MGMT: variants seen among roughly 807,000 people sequenced by gnomAD.
MGMT encodes methylated-DNA--protein-cysteine methyltransferase.
Under a neutral mutation model 15.9 loss-of-function variants are expected in MGMT, and 14 were observed. That is an observed-to-expected ratio of 0.88 (90% CI 0.58 to 1.37). The LOEUF (loss-of-function observed/expected upper bound fraction) is 1.37. Ranked by LOEUF, MGMT falls within the 40% of genes most tolerant of loss-of-function variation. MGMT has a pLI of 0.00. For synonymous variants in MGMT, 130 were observed against 118.2 expected (o/e 1.10, Z -0.65); for missense variants, 282 against 268.1 (o/e 1.05, Z -0.36).
At chr10:129,473,234 G>A (rs770466377) in intron 1 of MGMT, among the ~76,000 whole-genome samples, 4 of 152,224 alleles carry the variant, frequency 2.6e-5, no homozygotes, top group Admixed American at 6.5e-5. Flanking sequence ...GAGGGGTAAC[G>A]CAGGTCCGCT....
intron 2 of MGMT, among the ~76,000 whole-genome samples, chr10:129,576,790 T>C (rs1004370412): frequency 1.6e-4 from 25 of 152,288 alleles, no homozygotes; most frequent in African/African-American, 5.5e-4. Context: ...GAAAACCCCA[T>C]CGTCTCATCC....
At chr10:129,522,710 G>A (rs532840721) in intron 1 of MGMT, among the ~76,000 whole-genome samples, 9 of 152,312 alleles carry the variant, frequency 5.9e-5, no homozygotes, top group African/African-American at 1.9e-4. Context: ...GCTAGTACAA[G>A]GTCCTTCCTT....
chr10:129,498,817 C>G (rs766636867), intron 1 of MGMT, among the ~76,000 whole-genome samples: 1 of 152,186 alleles, frequency 6.6e-6, no homozygotes, highest in African/African-American at 2.4e-5. Flanking sequence ...CAGCCAAGAT[C>G]TGGGTGCTGA....
chr10:129,632,108 G>T (rs1847216805), intron 2 of MGMT, among the ~76,000 whole-genome samples: 1 of 152,208 alleles, frequency 6.6e-6, no homozygotes, highest in Non-Finnish European at 1.5e-5. Flanking sequence ...TGCATGTGTT[G>T]TAGTGGGATA....
At chr10:129,759,600 G>A (rs995503249) in intron 4 of MGMT, among the ~76,000 whole-genome samples, 1 of 152,170 alleles carries the variant, frequency 6.6e-6, no homozygotes, top group Non-Finnish European at 1.5e-5. Flanking sequence ...CAGTGAGCAG[G>A]AGAGGAGGGA....
At chr10:129,725,528 A>G (rs751647100) in intron 3 of MGMT, among the ~76,000 whole-genome samples, 2 of 152,206 alleles carry the variant, frequency 1.3e-5, no homozygotes, top group African/African-American at 2.4e-5. Context: ...CTGAAACATC[A>G]TTGTGTCAAC....
intron 2 of MGMT, among the ~76,000 whole-genome samples, chr10:129,602,963 G>A (rs1589888811): frequency 6.6e-6 from 1 of 152,154 alleles, no homozygotes; most frequent in Admixed American, 6.5e-5. Flanking sequence ...AAACAAAGAG[G>A]TCATTCTTAG....
chr10:129,639,906 A>G (rs894904871), intron 2 of MGMT, among the ~76,000 whole-genome samples: 12 of 151,312 alleles, frequency 7.9e-5, no homozygotes, highest in African/African-American at 2.9e-4. Flanking sequence ...GGTTCTTTGG[A>G]AAAATATTAA....
intron 2 of MGMT, among the ~76,000 whole-genome samples, chr10:129,544,053 TAAC>T (rs10566762): frequency 0.67 from 101,857 of 151,754 alleles, 34,674 homozygotes; most frequent in East Asian, 0.95. Flanking sequence ...CCCCTGCTCT[TAAC>T]AATAAGTTTC....
At chr10:129,638,446 GAA>G (rs1157292152) in intron 2 of MGMT, among the ~76,000 whole-genome samples, 6 of 96,304 alleles carry the variant, frequency 6.2e-5, no homozygotes, top group African/African-American at 2.3e-4. Flanking sequence ...AAAAAAAAAA[GAA>G]AAAAAAAAGA....
At chr10:129,578,376 A>T (rs374790427) in intron 2 of MGMT, among the ~76,000 whole-genome samples, 1 of 152,148 alleles carries the variant, frequency 6.6e-6, no homozygotes, top group African/African-American at 2.4e-5. Context: ...AGTTCATGTC[A>T]TTTGTAGGGA....
intron 2 of MGMT, among the ~76,000 whole-genome samples, chr10:129,677,176 T>G (rs1403405140): frequency 6.6e-6 from 1 of 151,872 alleles, no homozygotes; most frequent in Non-Finnish European, 1.5e-5. Context: ...ATGTGTTTTT[T>G]TTTTAAAGAC....
intron 3 of MGMT, among the ~76,000 whole-genome samples, chr10:129,757,113 A>G (rs1354915135): frequency 6.6e-6 from 1 of 152,204 alleles, no homozygotes; most frequent in Non-Finnish European, 1.5e-5. Flanking sequence ...TAAATACTAC[A>G]TTGTTTGAGC....
chr10:129,720,651 A>G (rs982355128), intron 3 of MGMT, among the ~76,000 whole-genome samples: 1 of 152,254 alleles, frequency 6.6e-6, no homozygotes, highest in South Asian at 2.1e-4. Context: ...GGTGCACTGC[A>G]GGTTGGCATT....
chr10:129,469,430 T>C (rs2119608182), intron 1 of MGMT, among the ~76,000 whole-genome samples: 1 of 152,360 alleles, frequency 6.6e-6, no homozygotes, highest in South Asian at 2.1e-4. Flanking sequence ...TTCTGCATTA[T>C]CTTTTCCTTT....
chr10:129,747,912 C>T (rs116182138), intron 3 of MGMT, among the ~76,000 whole-genome samples: 1,959 of 152,280 alleles, frequency 0.013, 40 homozygotes, highest in African/African-American at 0.044. Flanking sequence ...ACTGGAGTTA[C>T]AGTGTGTGAG....
rs139242296 is a variant in MGMT, at chr10:129,568,303, G to T, written c.125+31926G>T. ...TGGTGCTGTCCTGACAGGGGAGCAG[G>T]TTTACAGCTCAGGACACTGGGGTGC... is the stretch of plus-strand genomic sequence containing the variant. On this transcript the variant is annotated intron_variant, in intron 2 of 4. Transcript: ENST00000651593. 8.5e-5 allele frequency among the ~76,000 whole-genome samples: 13 copies of T among 152,320 alleles called. No individual in the cohort carries two copies. The East Asian group carries it at 2.5e-3, about 29-fold the overall frequency.
chr10:129,757,001 C>T (rs980744512), intron 3 of MGMT, among the ~76,000 whole-genome samples: 1 of 152,232 alleles, frequency 6.6e-6, no homozygotes, highest in Non-Finnish European at 1.5e-5. Context: ...GGGTTCGAAG[C>T]ACTGTGCTCT....
At chr10:129,629,806 C>A (rs1847190380) in intron 2 of MGMT, among the ~76,000 whole-genome samples, 1 of 152,186 alleles carries the variant, frequency 6.6e-6, no homozygotes, top group South Asian at 2.1e-4. Context: ...GAAGGTATGG[C>A]AAGCTGGGTG....
Sources: gnomAD v4.1 joint callset for allele counts (sites outside exome capture counted in the v4.1 genomes callset) on GRCh38, gnomAD v4.1.1 for gene constraint, MANE v1.5 for transcripts, NCBI Gene and HGNC (gene_info 2026-07-23, HGNC 2026-07-21) for gene names.